Variants in ZBTB45 observed in about 807,000 individuals in gnomAD.
ZBTB45 encodes the protein zinc finger and BTB domain-containing protein 45.
In ZBTB45, 22 loss-of-function variants were observed where a neutral mutation model predicts 28.4. The ratio of observed to expected loss-of-function variants is 0.77; its 90% CI spans 0.55 to 1.10. The LOEUF (loss-of-function observed/expected upper bound fraction) is 1.10, where lower values mean the gene tolerates loss of function less well. Ranked by LOEUF, ZBTB45 falls within the 50% of genes least tolerant of loss-of-function variation. The pLI, the probability that ZBTB45 is intolerant of heterozygous loss-of-function variation, is 0.00. For missense variants in ZBTB45, 656 were observed against 750.2 expected (o/e 0.87, Z 1.47); for synonymous variants, 361 against 332.3 (o/e 1.09, Z -0.94).
At chr19:58,519,701 C>G (rs919935298) in intron 1 of ZBTB45, 41 bp downstream of exon 1, 1 of 152,608 alleles carries the variant, frequency 6.6e-6, no homozygotes, top group African/African-American at 2.4e-5. Context: ...CCCCAGCCTC[C>G]TCGCCCGCCC....
intron 1 of ZBTB45, among the ~76,000 whole-genome samples, chr19:58,538,424 C>A (rs1690549351): frequency 1.3e-5 from 2 of 151,812 alleles, no homozygotes; most frequent in African/African-American, 4.8e-5. Context: ...GGCCGGCTAG[C>A]GAGGCGTGGC....
chr19:58,522,222 C>T (rs1048857986), upstream of ZBTB45, among the ~76,000 whole-genome samples: 2 of 150,842 alleles, frequency 1.3e-5, no homozygotes, highest in South Asian at 2.1e-4. Flanking sequence ...AGCGCAATGG[C>T]GCGATCTTGG....
chr19:58,517,035 T>C lies in ZBTB45; in HGVS notation c.639A>G (p.Glu213=), dbSNP rs2053513625. The C allele has an allele frequency of 3.1e-6, 5 of 1,613,076 alleles. No individual in the cohort carries two copies. Among genetic ancestry groups the C allele is most frequent in the Non-Finnish European group, 2.5e-6 (3 of 1,179,992 alleles). Residue 213 remains glutamate (E), a synonymous_variant, in exon 2 of 3, where the codon GAA becomes GAG. Transcript: ENST00000594051. ...CCTCGCCATCGGTCTCATCGTCACT[T>C]TCCTCGTCATCCTCGTCACCTCGGT... ...PDDRGDEDDE[E]SDDETDGEDG...
intron 1 of ZBTB45, among the ~76,000 whole-genome samples, chr19:58,536,562 G>A (rs1322340262): frequency 6.6e-6 from 1 of 151,924 alleles, no homozygotes; most frequent in African/African-American, 2.4e-5. Flanking sequence ...AGAATCGCTT[G>A]AACTCAGGAG....
At position 58,516,606 on chromosome 19, in the gene ZBTB45, G is replaced by A; in HGVS notation, c.1068C>T (p.Pro356=). The A allele has an allele frequency of 1.3e-6, 2 of 1,561,080 alleles. No homozygotes were observed. The highest frequency in any genetic ancestry group is 8.7e-7 in the Non-Finnish European group (1 of 1,154,164). Residue 356 remains proline (P), a synonymous_variant, in exon 2 of 3, where the codon CCC becomes CCT. Coordinates refer to ENST00000594051, the MANE Select transcript of ZBTB45 (RefSeq NM_001316979.2). This position sits in a 1 kb window ranked among gnomAD's most constrained non-coding sequence, Gnocchi z 6.2. ...GGAGTGTGGGGTAGAAGGCGGGTGG[G>A]GGCGCAGGGGCTGGCCCCGATGGTG... ...PSAPSGPAPA[P]PPAFYPTLQP... is the part of the protein sequence containing the mutation.
In ZBTB45 at chr19:58,517,679, C is replaced by T; in HGVS notation, c.1-6G>A. 1 of 1,611,162 alleles carries T rather than the reference C, an allele frequency of 6.2e-7. No homozygotes were observed. Among genetic ancestry groups the T allele is most frequent in the South Asian group, 1.1e-5 (1 of 90,914 alleles). On this transcript the variant is annotated splice_polypyrimidine_tract_variant and splice_region_variant and intron_variant, in intron 1 of 2. Transcript: ENST00000594051. The stretch of plus-strand genomic sequence containing the variant: ...ACAGCCTCTGCAGCCGCCATCTGCA[C>T]AGAACAAGAGGAGGGCAGGGAGAGG...
chr19:58,516,644 G>A lies in ZBTB45; in HGVS notation c.1030C>T (p.Pro344Ser), dbSNP rs1345364562. The A allele has an allele frequency of 1.3e-6, 2 of 1,561,362 alleles. No individual in the cohort carries two copies. Among genetic ancestry groups the A allele is most frequent in the Admixed American group, 1.8e-5 (1 of 55,252 alleles). ...FHLGAPGPPAPPPSAPSGPAP... is the reference protein window; with the variant it reads ...FHLGAPGPPASPPSAPSGPAP... ...GGCCCCGATGGTGCTGAAGGGGGTG[G>A]TGCGGGTGGCCCAGGGGCACCCAAG... The change falls in exon 2 of 3, where the codon CCA becomes TCA. Residue 344 changes from proline (P) to serine (S), a missense_variant. Around this residue, in one of 3 missense-constraint regions of ZBTB45, gnomAD observed 448 missense variants for 444.3 expected, o/e 1.01. Coordinates refer to ENST00000594051, the MANE Select transcript of ZBTB45 (RefSeq NM_001316979.2). The surrounding 1 kb of genome is among the most constrained non-coding windows in gnomAD (Gnocchi z 6.2).
At chr19:58,528,419 C>T (rs930857704) in intron 1 of ZBTB45, among the ~76,000 whole-genome samples, 8 of 151,382 alleles carry the variant, frequency 5.3e-5, no homozygotes, top group African/African-American at 1.2e-4. Context: ...GCTGAGATCG[C>T]GCCACTGCAC....
intron 1 of ZBTB45, 129 bp from the exon 2 acceptor site, chr19:58,517,802 A>G (rs2053532631): frequency 1.3e-6 from 1 of 769,548 alleles, no homozygotes; most frequent in Admixed American, 2.6e-5. Context: ...GCGCTAACCC[A>G]TCCCTCCCCA....
chr19:58,525,208 A>G (rs1192343175), intron 1 of ZBTB45, among the ~76,000 whole-genome samples: 1 of 152,154 alleles, frequency 6.6e-6, no homozygotes, highest in Non-Finnish European at 1.5e-5. Context: ...CCTCTTTGGC[A>G]GTCATACTCA....
rs761911951 is a variant in ZBTB45 at position 58,514,209 on chromosome 19, A to G, written c.1381T>C (p.Cys461Arg). The G allele has an allele frequency of 1.2e-6, 2 of 1,612,662 alleles. No individual in the cohort carries two copies. Among genetic ancestry groups the G allele is most frequent in the Admixed American group, 1.7e-5 (1 of 59,986 alleles). The change falls in exon 3 of 3, where the codon TGC (cysteine) becomes CGC (arginine). Residue 461 changes from cysteine (C) to arginine (R), a missense_variant. Cys to Arg is a radical substitution (Grantham distance 180). This residue lies in a region of ZBTB45 where 103 missense variants were observed against 153.5 expected (regional missense o/e 0.67). Coordinates refer to ENST00000594051, the MANE Select transcript of ZBTB45 (RefSeq NM_001316979.2). ...GTGAAGCGCTTGGCGCAGACGGCGCACTGGAAGGCGCGCACGCCGGTGTGC... is the reference window on the plus strand; with the variant it reads ...GTGAAGCGCTTGGCGCAGACGGCGCGCTGGAAGGCGCGCACGCCGGTGTGC... Reference protein sequence around the residue: ...VTHTGVRAFQCAVCAKRFTQK... With the variant: ...VTHTGVRAFQRAVCAKRFTQK...
chr19:58,534,948 T>C (rs1308560566), intron 1 of ZBTB45, among the ~76,000 whole-genome samples: 1 of 151,426 alleles, frequency 6.6e-6, no homozygotes, highest in Non-Finnish European at 1.5e-5. Flanking sequence ...CTCCGCCTCC[T>C]GGGTTCAAGC....
rs974419376 is a variant in ZBTB45 at position 58,513,806 on chromosome 19, T to C, written c.*248A>G. 7.1e-6 allele frequency: 3 copies of C among 424,436 alleles called. No homozygotes were observed. The highest frequency in any genetic ancestry group is 6.2e-5 in the African/African-American group (3 of 48,524). The allele number at this position is 424,436 out of a possible 1,614,324, so 26.3% of individuals were successfully genotyped here. The stretch of plus-strand genomic sequence containing the variant: ...AGCGCCCGGTTTACGCAGGAAATAG[T>C]CCAGTTCTCAGAAGTGGTCTAACCA... On this transcript the variant is annotated 3_prime_UTR_variant, in exon 3 of 3. Transcript: ENST00000594051.
chr19:58,538,827 TCACGACCCCAGGGG>T (rs1464177166), exon 1 of ZBTB45: 1 of 151,966 alleles, frequency 6.6e-6, no homozygotes, highest in Non-Finnish European at 1.5e-5. Context: ...ACCGGAGACC[TCACGACCCCAGGGG>T]CACCGCACAG....
chr19:58,538,157 G>A (rs147538381), intron 1 of ZBTB45, among the ~76,000 whole-genome samples: 1 of 151,894 alleles, frequency 6.6e-6, no homozygotes, highest in African/African-American at 2.4e-5. Context: ...ATTCCTAAAG[G>A]ACGCCCACAC....
upstream of ZBTB45, among the ~76,000 whole-genome samples, chr19:58,522,131 T>C (rs926129178): frequency 6.7e-6 from 1 of 148,804 alleles, no homozygotes; most frequent in Non-Finnish European, 1.5e-5. Context: ...GAGACCAGCC[T>C]GGACAACATG....
intron 1 of ZBTB45, among the ~76,000 whole-genome samples, chr19:58,525,181 C>G (rs2053601266): frequency 6.6e-6 from 1 of 152,142 alleles, no homozygotes; most frequent in Non-Finnish European, 1.5e-5. Flanking sequence ...CCCGGCCAGC[C>G]TTTCATCCAG....
chr19:58,514,510 C>T (rs2053464894), intron 2 of ZBTB45, among the ~76,000 whole-genome samples, 200 bp from the exon 3 acceptor site: 3 of 152,044 alleles, frequency 2.0e-5, no homozygotes, highest in East Asian at 3.9e-4. Context: ...ACCCCCTCCT[C>T]TCCAGGACCT....
At chr19:58,530,195 C>A (rs1600069607) in intron 1 of ZBTB45, among the ~76,000 whole-genome samples, 1 of 133,910 alleles carries the variant, frequency 7.5e-6, no homozygotes, top group East Asian at 2.3e-4. Context: ...AGAGACCTTG[C>A]CATGAGAGCG....
Sources: gnomAD v4.1 joint callset for allele counts (sites outside exome capture counted in the v4.1 genomes callset) on GRCh38, gnomAD v4.1.1 for gene constraint, gnomAD v4.1.1 regional missense constraint, Gnocchi (gnomAD v3.1) non-coding constraint, MANE v1.5 for transcripts, NCBI Gene and HGNC (gene_info 2026-07-23, HGNC 2026-07-21) for gene names.